GABRB1: variants seen among roughly 807,000 people sequenced by gnomAD.
GABRB1 encodes gamma-aminobutyric acid receptor subunit beta-1.
A neutral mutation model predicts 51.6 loss-of-function variants in GABRB1; 17 were observed. That is an observed-to-expected ratio of 0.33 (90% confidence interval 0.23 to 0.49). GABRB1 has a LOEUF of 0.49. Ranked by LOEUF, GABRB1 falls within the 20% of genes least tolerant of loss-of-function variation. The pLI is 0.99. For missense variants in GABRB1, 410 were observed against 600.6 expected (o/e 0.68, Z 3.32); for synonymous variants, 247 against 218.9 (o/e 1.13, Z -1.14).
intron 3 of GABRB1, among the ~76,000 whole-genome samples, chr4:47,052,958 G>A (rs1376619873): frequency 6.6e-6 from 1 of 152,202 alleles, no homozygotes; most frequent in African/African-American, 2.4e-5. Flanking sequence ...AAAGGGAAGA[G>A]TAGAATGAGG....
intron 4 of GABRB1, among the ~76,000 whole-genome samples, chr4:47,244,999 C>G (rs998719010): frequency 5.3e-5 from 8 of 151,998 alleles, no homozygotes; most frequent in African/African-American, 1.9e-4. Flanking sequence ...AAGATCAGAG[C>G]AGAACTGAAG....
intron 5 of GABRB1, among the ~76,000 whole-genome samples, chr4:47,389,109 A>T (rs1727897757): frequency 6.6e-6 from 1 of 152,188 alleles, no homozygotes; most frequent in Admixed American, 6.5e-5. Flanking sequence ...GGGCAGGCAC[A>T]CTTGGGGAAG....
At chr4:47,187,645 A>C (rs1316239595) in intron 4 of GABRB1, among the ~76,000 whole-genome samples, 1 of 151,934 alleles carries the variant, frequency 6.6e-6, no homozygotes, top group East Asian at 1.9e-4. Flanking sequence ...TTAGATATAG[A>C]GAAGTTAAAC....
chr4:47,066,939 A>G (rs1727113343), intron 3 of GABRB1, among the ~76,000 whole-genome samples: 1 of 152,196 alleles, frequency 6.6e-6, no homozygotes, highest in African/African-American at 2.4e-5. Flanking sequence ...TCTGGTAGCT[A>G]TAATATTACA....
chr4:47,028,319 TACAA>T (rs1434262992), upstream of GABRB1, among the ~76,000 whole-genome samples: 3 of 151,762 alleles, frequency 2.0e-5, no homozygotes, highest in African/African-American at 7.2e-5. Flanking sequence ...TCCTTGAAAT[TACAA>T]ACAATCCAAA....
At chr4:47,034,239 G>A (rs1245453677) in intron 3 of GABRB1, among the ~76,000 whole-genome samples, 2 of 151,916 alleles carry the variant, frequency 1.3e-5, no homozygotes. Context: ...TAATTCTGTT[G>A]GCTATATTGA....
intron 5 of GABRB1, among the ~76,000 whole-genome samples, chr4:47,381,662 A>G (rs1357721236): frequency 2.0e-5 from 3 of 152,124 alleles, no homozygotes; most frequent in Admixed American, 2.0e-4. Flanking sequence ...CTAACCTCAT[A>G]TTCCTACCCT....
At chr4:47,328,834 G>A (rs573201162) in intron 5 of GABRB1, among the ~76,000 whole-genome samples, 27 of 151,602 alleles carry the variant, frequency 1.8e-4, no homozygotes, top group Non-Finnish European at 3.4e-4. Context: ...GAGTTACCAG[G>A]TGCAGCACAC....
intron 4 of GABRB1, among the ~76,000 whole-genome samples, chr4:47,199,687 A>G (rs1719824780): frequency 6.6e-6 from 1 of 152,130 alleles, no homozygotes; most frequent in Admixed American, 6.6e-5. Context: ...GGGTAGGTGT[A>G]TGTGGTCTGC....
At chr4:47,345,125 C>T (rs868267773) in intron 5 of GABRB1, among the ~76,000 whole-genome samples, 2 of 152,300 alleles carry the variant, frequency 1.3e-5, no homozygotes, top group Middle Eastern at 3.4e-3. Context: ...TTCCCTCTTT[C>T]CTGAACAATT....
At chr4:47,144,323 G>T (rs958144932) in intron 3 of GABRB1, among the ~76,000 whole-genome samples, 1 of 152,008 alleles carries the variant, frequency 6.6e-6, no homozygotes, top group Non-Finnish European at 1.5e-5. Context: ...GAGGTCAGAA[G>T]TTAAAAATTA....
rs553347331 is a variant in GABRB1, at chr4:47,301,662, A to C, written c.462-18465A>C. 1.6e-4 allele frequency among the ~76,000 whole-genome samples: 24 copies of C among 151,558 alleles called. No homozygotes were observed. The South Asian group carries it at 4.8e-3, about 30-fold the overall frequency. The stretch of plus-strand genomic sequence containing the variant: ...AAAAAAAAAACATTTCAATTAACCC[A>C]TTAATTAATGAGAGATTTATTAAGA... On this transcript the variant is annotated intron_variant, in intron 4 of 8. Transcript: ENST00000295454.
intron 3 of GABRB1, among the ~76,000 whole-genome samples, chr4:47,133,387 T>G (rs1019558542): frequency 1.3e-5 from 2 of 152,150 alleles, no homozygotes; most frequent in African/African-American, 2.4e-5. Context: ...TAATAAAGGG[T>G]CAAAGCAAAC....
intron 5 of GABRB1, among the ~76,000 whole-genome samples, chr4:47,331,484 T>G (rs1725477194): frequency 6.6e-6 from 1 of 152,114 alleles, no homozygotes; most frequent in African/African-American, 2.4e-5. Context: ...CAAGCGGCTG[T>G]GTAGATTGAT....
intron 4 of GABRB1, among the ~76,000 whole-genome samples, chr4:47,169,901 C>G (rs923827188): frequency 6.6e-6 from 1 of 152,138 alleles, no homozygotes; most frequent in African/African-American, 2.4e-5. Flanking sequence ...TCTAGGAAGA[C>G]AGTTGTCTAT....
intron 3 of GABRB1, among the ~76,000 whole-genome samples, chr4:47,128,189 G>A (rs1021297402): frequency 6.6e-6 from 1 of 151,512 alleles, no homozygotes; most frequent in Non-Finnish European, 1.5e-5. Flanking sequence ...GTTATATCTT[G>A]GACTAAATTA....
intron 3 of GABRB1, among the ~76,000 whole-genome samples, chr4:47,150,866 A>C (rs1307065158): frequency 6.6e-6 from 1 of 151,972 alleles, no homozygotes; most frequent in Non-Finnish European, 1.5e-5. Flanking sequence ...ATTGTTTTTT[A>C]AGTAGAAGGA....
chr4:47,084,263 T>A (rs149238210), intron 3 of GABRB1, among the ~76,000 whole-genome samples: 1 of 152,314 alleles, frequency 6.6e-6, no homozygotes, highest in Non-Finnish European at 1.5e-5. Context: ...ATATGTGGTT[T>A]GAGCTTTGCA....
At chr4:47,421,458 G>A (rs1296310461) in intron 8 of GABRB1, among the ~76,000 whole-genome samples, 2 of 151,872 alleles carry the variant, frequency 1.3e-5, no homozygotes, top group Admixed American at 1.3e-4. Flanking sequence ...CATTTTACAA[G>A]CATTTTTTCA....
Sources: allele counts gnomAD v4.1 joint callset (sites outside exome capture counted in the v4.1 genomes callset), GRCh38; gene constraint gnomAD v4.1.1; transcripts MANE v1.5; gene names NCBI Gene and HGNC (gene_info 2026-07-23, HGNC 2026-07-21).